Variants in ST6GALNAC3 observed in about 807,000 individuals in gnomAD.
ST6GALNAC3 encodes the protein ST6 N-acetylgalactosaminide alpha-2,6-sialyltransferase 3.
In ST6GALNAC3, 25 loss-of-function variants were observed where a neutral mutation model predicts 32.7. The ratio of observed to expected loss-of-function variants is 0.76; its 90% CI spans 0.56 to 1.07. The LOEUF is 1.07. Ranked by LOEUF, ST6GALNAC3 falls within the 50% of genes least tolerant of loss-of-function variation. The pLI, the probability that ST6GALNAC3 is intolerant of heterozygous loss-of-function variation, is 0.00. For missense variants in ST6GALNAC3, 355 were observed against 382.4 expected, an observed-to-expected ratio of 0.93 and a Z score of 0.60; for synonymous variants, 129 against 133.1, an observed-to-expected ratio of 0.97 and a Z score of 0.21.
At chr1:76,571,676 G>C (rs1208844884) in intron 3 of ST6GALNAC3, among the ~76,000 whole-genome samples, 1 of 152,072 alleles carries the variant, frequency 6.6e-6, no homozygotes, top group Non-Finnish European at 1.5e-5. Flanking sequence ...TCCTATGCCT[G>C]AGTGAGTTGA....
chr1:76,465,447 G>A (rs938639194), intron 3 of ST6GALNAC3, among the ~76,000 whole-genome samples: 2 of 152,134 alleles, frequency 1.3e-5, no homozygotes, highest in Non-Finnish European at 2.9e-5. Flanking sequence ...GGAAAGTTAT[G>A]ATGTTTTACT....
At chr1:76,367,603 T>C (rs1257245841) in intron 2 of ST6GALNAC3, among the ~76,000 whole-genome samples, 1 of 152,170 alleles carries the variant, frequency 6.6e-6, no homozygotes, top group Non-Finnish European at 1.5e-5. Context: ...AGCTTACATA[T>C]TATAGATAGC....
chr1:76,258,907 G>C (rs1658071545), intron 1 of ST6GALNAC3, among the ~76,000 whole-genome samples: 1 of 152,170 alleles, frequency 6.6e-6, no homozygotes, highest in Non-Finnish European at 1.5e-5. Context: ...ACTTGTGACT[G>C]TCAACATTTA....
intron 1 of ST6GALNAC3, among the ~76,000 whole-genome samples, chr1:76,180,105 G>A (rs1020792945): frequency 2.0e-5 from 3 of 152,116 alleles, no homozygotes; most frequent in Non-Finnish European, 4.4e-5. Context: ...TGGGGGCAGG[G>A]CCCACATTTT....
chr1:76,390,711 T>C (rs1051109769), intron 2 of ST6GALNAC3, among the ~76,000 whole-genome samples: 3 of 152,120 alleles, frequency 2.0e-5, no homozygotes, highest in Admixed American at 6.5e-5. Context: ...GCCAGGAGTT[T>C]GTGTGCCAAG....
chr1:76,345,937 C>G (rs1035365591), intron 2 of ST6GALNAC3, among the ~76,000 whole-genome samples: 1 of 152,206 alleles, frequency 6.6e-6, no homozygotes, highest in African/African-American at 2.4e-5. Flanking sequence ...CCTCCTGACT[C>G]TCTCCCTTAC....
At chr1:76,385,972 G>A (rs992335016) in intron 2 of ST6GALNAC3, among the ~76,000 whole-genome samples, 1 of 151,992 alleles carries the variant, frequency 6.6e-6, no homozygotes, top group African/African-American at 2.4e-5. Flanking sequence ...GAAACCAAAT[G>A]GTAAATGCCA....
At chr1:76,604,750 A>G (rs1177802136) in intron 3 of ST6GALNAC3, among the ~76,000 whole-genome samples, 1 of 152,120 alleles carries the variant, frequency 6.6e-6, no homozygotes, top group African/African-American at 2.4e-5. Flanking sequence ...CACATCCTAA[A>G]ATAACTTGGT....
At chr1:76,251,247 G>A (rs969088968) in intron 1 of ST6GALNAC3, among the ~76,000 whole-genome samples, 1 of 151,894 alleles carries the variant, frequency 6.6e-6, no homozygotes, top group African/African-American at 2.4e-5. Context: ...CCACTCCTTC[G>A]TGTAAACTTT....
chr1:76,256,454 G>A (rs551724548), intron 1 of ST6GALNAC3, among the ~76,000 whole-genome samples: 3 of 152,284 alleles, frequency 2.0e-5, no homozygotes, highest in Admixed American at 2.0e-4. Context: ...TCCTGAACAA[G>A]TTGCTTCCAA....
chr1:76,381,470 T>C (rs912597328), intron 2 of ST6GALNAC3, among the ~76,000 whole-genome samples: 3 of 152,152 alleles, frequency 2.0e-5, no homozygotes, highest in African/African-American at 7.2e-5. Context: ...TATTTAGTGA[T>C]GTCTGCTATT....
In ST6GALNAC3 at chr1:76,139,175, C is replaced by T. The variant is rs1177118091; in HGVS notation, c.18+64291C>T. ...CGCCACTGCACTCCAGCCTGGGCGA[C>T]AGAGCGAGACTCCGTCTCAATGGAA... On this transcript the variant is annotated intron_variant, in intron 1 of 4. Transcript: ENST00000328299. Among the ~76,000 whole-genome samples the T allele has an allele frequency of 1.1e-4, 16 of 150,498 alleles. 1 individual carries two copies. Among genetic ancestry groups the T allele is most frequent in the Admixed American group, 9.3e-4 (14 of 15,126 alleles).
In ST6GALNAC3 at chr1:76,412,240, C is replaced by T. The variant is rs770992579; in HGVS notation, c.446C>T (p.Thr149Ile). The T allele has an allele frequency of 8.7e-6, 14 of 1,613,566 alleles. No homozygotes were observed. Among genetic ancestry groups the T allele is most frequent in the Admixed American group, 6.7e-5 (4 of 59,920 alleles). ...NPDYFFKEAN[T>I]TIYVIWGPFR... ...GATTATTTTTTCAAGGAAGCGAATA[C>T]TACTATTTATGTTATTTGGGGACCT... The change falls in exon 3 of 5, where the codon ACT (threonine) becomes ATT (isoleucine). Residue 149 changes from threonine to isoleucine, a missense_variant. Transcript: ENST00000328299.
intron 1 of ST6GALNAC3, among the ~76,000 whole-genome samples, chr1:76,132,412 C>T (rs1032193904): frequency 2.0e-5 from 3 of 152,290 alleles, no homozygotes; most frequent in Non-Finnish European, 2.9e-5. Context: ...CCTTCCAATC[C>T]GGTGAGCTCC....
chr1:76,461,777 A>C (rs749221115), intron 3 of ST6GALNAC3, among the ~76,000 whole-genome samples: 13 of 152,200 alleles, frequency 8.5e-5, no homozygotes, highest in Non-Finnish European at 1.8e-4. Context: ...CCCTAGGTAC[A>C]TTGTTTTACT....
At chr1:76,170,606 T>G (rs1035482555) in intron 1 of ST6GALNAC3, among the ~76,000 whole-genome samples, 1 of 152,248 alleles carries the variant, frequency 6.6e-6, no homozygotes, top group Admixed American at 6.5e-5. Flanking sequence ...GTTCTGACAA[T>G]AAGCCATGAA....
intron 3 of ST6GALNAC3, among the ~76,000 whole-genome samples, chr1:76,462,319 C>T (rs1394285052): frequency 1.3e-5 from 2 of 152,078 alleles, no homozygotes; most frequent in Non-Finnish European, 2.9e-5. Flanking sequence ...TGGGCCCAGC[C>T]ATTTTCATAA....
At chr1:76,583,053 A>G (rs1646913917) in intron 3 of ST6GALNAC3, among the ~76,000 whole-genome samples, 1 of 152,124 alleles carries the variant, frequency 6.6e-6, no homozygotes, top group Admixed American at 6.6e-5. Context: ...TTAATATATA[A>G]TTTTTCAGAT....
At chr1:76,468,363 G>C (rs531153854) in intron 3 of ST6GALNAC3, among the ~76,000 whole-genome samples, 25 of 152,138 alleles carry the variant, frequency 1.6e-4, no homozygotes, top group Middle Eastern at 6.8e-3. Flanking sequence ...TCTGTTGTTA[G>C]CTTTCTGCAT....
Sources: gnomAD v4.1 joint callset for allele counts (sites outside exome capture counted in the v4.1 genomes callset) on GRCh38, gnomAD v4.1.1 for gene constraint, MANE v1.5 for transcripts, NCBI Gene and HGNC (gene_info 2026-07-23, HGNC 2026-07-21) for gene names.